The following EPX variants were observed in gnomAD, a reference collection of about 807,000 sequenced individuals.
EPX encodes the protein eosinophil peroxidase.
Under a neutral mutation model 73.0 loss-of-function variants are expected in EPX, and 60 were observed. That is an observed-to-expected ratio of 0.82 (90% CI 0.67 to 1.02). EPX has a LOEUF of 1.02. EPX is among the 50% of genes least tolerant of loss of function. EPX has a pLI of 0.00. For missense variants in EPX, 950 were observed against 973.9 expected (o/e 0.98, Z 0.33); for synonymous variants, 347 against 389.2 (o/e 0.89, Z 1.28).
At chr17:58,198,468 G>T (rs1968292244) in intron 7 of EPX, among the ~76,000 whole-genome samples, 1 of 152,112 alleles carries the variant, frequency 6.6e-6, no homozygotes, top group African/African-American at 2.4e-5. Flanking sequence ...TGTGCAAAAG[G>T]GTTTAGTTAA....
rs1349135911 is a variant in EPX at position 58,192,874 on chromosome 17, G to T, written c.28G>T (p.Val10Phe). The T allele has an allele frequency of 1.9e-6, 3 of 1,614,108 alleles. No individual in the cohort carries two copies. The highest frequency in any genetic ancestry group is 2.7e-5 in the African/African-American group (2 of 75,030). The stretch of plus-strand genomic sequence containing the variant: ...GCATCTGCTCCCAGCCCTGGCAGGG[G>T]TCCTGGCCACACTCGTCCTCGCCCA... MHLLPALAG[V>F]LATLVLAQPC... is the part of the protein sequence containing the mutation. The change falls in exon 1 of 13, where the codon GTC (valine) becomes TTC (phenylalanine). Residue 10 changes from valine to phenylalanine, a missense_variant. Physicochemically the swap from Val to Phe is conservative, Grantham distance 50 (BLOSUM62 -1). Coordinates refer to ENST00000225371, the MANE Select transcript of EPX (RefSeq NM_000502.6).
chr17:58,202,777 A>G (rs1968358332), intron 10 of EPX: 1 of 415,874 alleles, frequency 2.4e-6, no homozygotes, highest in African/African-American at 2.0e-5. Flanking sequence ...TAATGAATGC[A>G]GTCGAGCCCA....
rs1448386304 is a variant in EPX at position 58,193,384 on chromosome 17, C to T, written c.184C>T (p.Leu62Phe). The T allele has an allele frequency of 6.2e-7, 1 of 1,614,104 alleles. No homozygotes were observed. Among genetic ancestry groups the T allele is most frequent in the Non-Finnish European group, 8.5e-7 (1 of 1,180,044 alleles). ...TCTCCTGGGCAGCATCAAGCAGCGG[C>T]TTCGCAGCGGTTCAGCCAGCCCCAT... is the stretch of plus-strand genomic sequence containing the variant. ...NWTQKSIKQRLRSGSASPMDL... is the reference protein window; with the variant it reads ...NWTQKSIKQRFRSGSASPMDL... Residue 62 changes from leucine to phenylalanine, a missense_variant, in exon 3 of 13, where the codon CTT becomes TTT. Physicochemically the swap from Leu to Phe is conservative, Grantham distance 22 (BLOSUM62 0). Transcript: ENST00000225371.
chr17:58,196,233 G>A (rs557983144), intron 6 of EPX, among the ~76,000 whole-genome samples: 11 of 151,948 alleles, frequency 7.2e-5, no homozygotes, highest in Non-Finnish European at 1.0e-4. Context: ...TCAGCCTCCC[G>A]AGTAGCTGGG....
chr17:58,193,051 A>G lies in EPX; in HGVS notation c.90A>G (p.Ala30=). The change falls in exon 2 of 13, where the codon GCA becomes GCG. Residue 30 remains alanine (A), a synonymous_variant. Transcript: ENST00000225371. ...CEGTDPASPG[A]VETSVLRDCI... is the part of the protein sequence containing the mutation. ...CTCTTTGAACAGCCTCCCCTGGGGC[A>G]GTGGAGACCTCGGTCCTGCGAGACT... 6.2e-7 allele frequency: 1 copy of G among 1,612,184 alleles called. No homozygotes were observed. The highest frequency in any genetic ancestry group is 8.5e-7 in the Non-Finnish European group (1 of 1,178,172).
At chr17:58,201,914 C>A (rs913344811) in intron 10 of EPX, among the ~76,000 whole-genome samples, 5 of 152,160 alleles carry the variant, frequency 3.3e-5, no homozygotes, top group Admixed American at 1.3e-4. Flanking sequence ...TTCTGCTCCC[C>A]GCAATACCTG....
chr17:58,196,583 G>A (rs562058423), intron 6 of EPX, among the ~76,000 whole-genome samples: 2 of 152,074 alleles, frequency 1.3e-5, no homozygotes, highest in African/African-American at 2.4e-5. Context: ...AAGGTCTGTC[G>A]AATTGAACAG....
chr17:58,200,498 A>G, intron 10 of EPX, 103 bp downstream of exon 10: 1 of 1,227,202 alleles, frequency 8.1e-7, no homozygotes, highest in South Asian at 1.2e-5. Context: ...GACTGTCTAC[A>G]GGATGTGCAG....
At chr17:58,197,864 C>A (rs1968284060) in intron 7 of EPX, among the ~76,000 whole-genome samples, 1 of 152,138 alleles carries the variant, frequency 6.6e-6, no homozygotes, top group South Asian at 2.1e-4. Context: ...AAGATGGAGT[C>A]TCACTCTGTC....
chr17:58,197,284 T>A (rs1177812795), intron 7 of EPX, 27 bp downstream of exon 7: 2 of 1,607,614 alleles, frequency 1.2e-6, no homozygotes, highest in Non-Finnish European at 1.7e-6. Context: ...GGTGGTGTCT[T>A]CCCAGGAAAC....
chr17:58,204,862 C>G lies in EPX; in HGVS notation c.*138C>G, dbSNP rs1968410105. 1 of 204,680 alleles carries G rather than the reference C, an allele frequency of 4.9e-6. No individual in the cohort carries two copies. Among genetic ancestry groups the G allele is most frequent in the Admixed American group, 5.3e-5 (1 of 19,040 alleles). 12.7% of individuals were successfully genotyped at this position (204,680 alleles called of 1,614,324 possible). A position where few individuals can be genotyped will look rare whatever the true frequency, so the allele number is the denominator to read the frequency against. On this transcript the variant is annotated 3_prime_UTR_variant, in exon 13 of 13. Transcript: ENST00000225371. ...TGGCTACAGCTCAGAGCTGGGTTCC[C>G]CAGCCAGGAGTGAAGGCTGGGGGCT...
At chr17:58,199,312 G>A (rs1298741501) in intron 8 of EPX, 112 bp downstream of exon 8, 22 of 1,233,160 alleles carry the variant, frequency 1.8e-5, no homozygotes, top group East Asian at 1.5e-4. Flanking sequence ...GGCAACTGGC[G>A]GAGCACCTGG....
At chr17:58,200,523 G>A in intron 10 of EPX, 128 bp downstream of exon 10, 2 of 981,736 alleles carry the variant, frequency 2.0e-6, no homozygotes, top group Non-Finnish European at 3.1e-6. Flanking sequence ...GCAGAGGCAT[G>A]CAAGGCCAAG....
rs555556478 is a variant in EPX at position 58,197,216 on chromosome 17, T to C, written c.1079T>C (p.Leu360Pro). 158 of 1,613,480 alleles carry C rather than the reference T, an allele frequency of 9.8e-5. No homozygotes were observed. The South Asian group carries it at 1.6e-3, about 16-fold the overall frequency. The change falls in exon 7 of 13, where the codon CTC becomes CCC. Residue 360 changes from leucine to proline, a missense_variant. Leu to Pro is a moderately conservative substitution (Grantham distance 98). Transcript: ENST00000225371. ...PFDNLHDDPC[L>P]LTNRSARIPC... The stretch of plus-strand genomic sequence containing the variant: ...GACAACCTGCACGATGACCCCTGTC[T>C]CCTCACCAACCGCTCGGCGCGCATC...
rs906105884 is a variant in EPX, at chr17:58,197,122, A to G, written c.985A>G (p.Thr329Ala). 13 of 1,614,146 alleles carry G rather than the reference A, an allele frequency of 8.1e-6. No homozygotes were observed. Among genetic ancestry groups the G allele is most frequent in the Non-Finnish European group, 1.1e-5 (13 of 1,180,038 alleles). ...CCTCTCGCTGCGGCTCCGCAACCGG[A>G]CCAACTACCTGGGGCTGCTGGCCAT... is the stretch of plus-strand genomic sequence containing the variant. ...VSLSLRLRNR[T>A]NYLGLLAINQ... is the part of the protein sequence containing the mutation. Residue 329 changes from threonine to alanine, a missense_variant, in exon 7 of 13, where the codon ACC (threonine) becomes GCC (alanine). Thr to Ala is a moderately conservative substitution (Grantham distance 58). Transcript: ENST00000225371.
chr17:58,198,516 C>T (rs1339761288), intron 7 of EPX, among the ~76,000 whole-genome samples: 2 of 152,200 alleles, frequency 1.3e-5, no homozygotes, highest in Non-Finnish European at 2.9e-5. Context: ...CTTTCCCTGC[C>T]TGTAGTAGGT....
intron 12 of EPX, 73 bp downstream of exon 12, chr17:58,204,507 T>A: frequency 1.2e-6 from 1 of 865,788 alleles, no homozygotes; most frequent in Non-Finnish European, 1.9e-6. Flanking sequence ...GATGGCTGAG[T>A]CCTCTTAGGT....
chr17:58,193,826 C>T lies in EPX; in HGVS notation c.459C>T (p.Asn153=). The T allele has an allele frequency of 6.2e-7, 1 of 1,611,210 alleles. No homozygotes were observed. The highest frequency in any genetic ancestry group is 8.5e-7 in the Non-Finnish European group (1 of 1,177,534). ...DKYRTITGRC[N]NKRRPLLGAS... ...ACCGCACCATCACTGGACGGTGCAA[C>T]AACAAGTGCGTGCGGGGCGGCAGGA... Residue 153 remains asparagine (N), a synonymous_variant, in exon 4 of 13, where the codon AAC becomes AAT. Transcript: ENST00000225371.
rs776560291 is a variant in EPX at position 58,203,223 on chromosome 17, G to C, written c.1851G>C (p.Gly617=). 6.8e-6 allele frequency: 11 copies of C among 1,614,052 alleles called. No homozygotes were observed. Among genetic ancestry groups the C allele is most frequent in the Non-Finnish European group, 9.3e-6 (11 of 1,180,044 alleles). ...CTGACAACATTGACATCTGGATTGG[G>C]GCCATCGCTGAGCCTCTTTTGCCGG... The part of the protein sequence containing the change: ...GTPDNIDIWI[G]AIAEPLLPGA... The change falls in exon 11 of 13, where the codon GGG becomes GGC. Residue 617 remains glycine (G), a synonymous_variant. Transcript: ENST00000225371.
Sources: gnomAD v4.1 joint callset for allele counts (sites outside exome capture counted in the v4.1 genomes callset) on GRCh38, gnomAD v4.1.1 for gene constraint, MANE v1.5 for transcripts, NCBI Gene and HGNC (gene_info 2026-07-23, HGNC 2026-07-21) for gene names.